Variants in TSGA10 observed in about 807,000 individuals in gnomAD.
The protein encoded by TSGA10 is testis specific 10.
Under a neutral mutation model 96.6 loss-of-function variants are expected in TSGA10, and 43 were observed. The observed-to-expected ratio is 0.44, with a 90% CI of 0.35 to 0.57. The LOEUF (loss-of-function observed/expected upper bound fraction) is 0.57. Among genes scored for constraint, TSGA10 ranks in the 20% least tolerant of loss-of-function variants. TSGA10 has a pLI of 0.01. For missense variants in TSGA10, 703 were observed against 834.4 expected (o/e 0.84, Z 1.94); for synonymous variants, 229 against 269.9 (o/e 0.85, Z 1.48).
At chr2:99,002,753 GA>G (rs1341187733) in intron 20 of TSGA10, among the ~76,000 whole-genome samples, 1 of 152,016 alleles carries the variant, frequency 6.6e-6, no homozygotes, top group Non-Finnish European at 1.5e-5. Context: ...CTCACATGCA[GA>G]GACACACATA....
At chr2:99,105,036 A>G (rs1009981426) in intron 9 of TSGA10, among the ~76,000 whole-genome samples, 2 of 152,126 alleles carry the variant, frequency 1.3e-5, no homozygotes, top group East Asian at 3.8e-4. Context: ...AGAATAAACC[A>G]TTTTCTTTAC....
chr2:99,020,629 A>G (rs2079910198), intron 17 of TSGA10, 147 bp from the exon 18 acceptor site: 1 of 598,900 alleles, frequency 1.7e-6, no homozygotes, highest in Non-Finnish European at 3.0e-6. Flanking sequence ...CCTTCTTACC[A>G]AATAAACACA....
chr2:99,002,243 C>T (rs4428061), intron 20 of TSGA10, among the ~76,000 whole-genome samples: 5 of 152,072 alleles, frequency 3.3e-5, no homozygotes, highest in East Asian at 1.9e-4. Context: ...AAGAAAGGTC[C>T]GGTTACCCAC....
chr2:99,145,331 G>A (rs890717588), intron 1 of TSGA10, among the ~76,000 whole-genome samples: 1 of 152,154 alleles, frequency 6.6e-6, no homozygotes, highest in African/African-American at 2.4e-5. Context: ...GCCAAGGCAG[G>A]TGGATCACTT....
At chr2:99,000,859 C>T (rs905605359) in intron 20 of TSGA10, among the ~76,000 whole-genome samples, 1 of 152,126 alleles carries the variant, frequency 6.6e-6, no homozygotes, top group African/African-American at 2.4e-5. Context: ...CACCCATGGA[C>T]CCTGCTTACT....
At chr2:99,112,436 C>G (rs1263337490) in intron 4 of TSGA10, among the ~76,000 whole-genome samples, 1 of 151,978 alleles carries the variant, frequency 6.6e-6, no homozygotes, top group African/African-American at 2.4e-5. Context: ...AATAATAAAC[C>G]TAACAAATAA....
chr2:99,004,254 GT>G (rs1025196437), intron 20 of TSGA10, among the ~76,000 whole-genome samples: 1 of 152,108 alleles, frequency 6.6e-6, no homozygotes, highest in African/African-American at 2.4e-5. Flanking sequence ...CCAGGAAGAA[GT>G]TGAATCTCTG....
At chr2:99,040,173 G>C (rs2082053400) in intron 16 of TSGA10, among the ~76,000 whole-genome samples, 1 of 151,932 alleles carries the variant, frequency 6.6e-6, no homozygotes. Flanking sequence ...TACCGAATGG[G>C]GAAAAGTTGA....
intron 16 of TSGA10, among the ~76,000 whole-genome samples, chr2:99,057,116 T>C (rs2084092279): frequency 7.5e-6 from 1 of 134,126 alleles, no homozygotes; most frequent in South Asian, 2.3e-4. Flanking sequence ...GCTAACATCA[T>C]ACTTGATGGT....
intron 10 of TSGA10, among the ~76,000 whole-genome samples, chr2:99,094,973 A>C (rs1342156414): frequency 6.6e-6 from 1 of 152,244 alleles, no homozygotes; most frequent in Non-Finnish European, 1.5e-5. Context: ...CACAATTAGC[A>C]ATTTCAAAAA....
At chr2:99,021,631 A>G (rs537795690) in intron 17 of TSGA10, among the ~76,000 whole-genome samples, 1 of 152,324 alleles carries the variant, frequency 6.6e-6, no homozygotes, top group Admixed American at 6.5e-5. Context: ...TGGGGGCAGC[A>G]CTATGCATTA....
intron 1 of TSGA10, among the ~76,000 whole-genome samples, chr2:99,145,845 G>T (rs1331250766): frequency 2.6e-5 from 4 of 152,148 alleles, no homozygotes; most frequent in African/African-American, 7.2e-5. Context: ...TGTTATAAAA[G>T]GTTCAAACCA....
intron 1 of TSGA10, among the ~76,000 whole-genome samples, chr2:99,153,335 CA>C (rs1302242194): frequency 2.0e-5 from 3 of 152,126 alleles, no homozygotes; most frequent in Non-Finnish European, 4.4e-5. Context: ...GGATGTATAG[CA>C]GTTTTTCCAA....
intron 20 of TSGA10, among the ~76,000 whole-genome samples, chr2:99,013,325 A>G (rs1199939950): frequency 6.6e-6 from 1 of 151,276 alleles, no homozygotes; most frequent in African/African-American, 2.4e-5. Context: ...GATGATGACA[A>G]TAATAATAAT....
rs2091072632 is a variant in TSGA10, at chr2:99,104,124, C to T, written c.460-6G>A. On this transcript the variant is annotated splice_region_variant and splice_polypyrimidine_tract_variant and intron_variant, in intron 9 of 20. Transcript: ENST00000393483. Reference sequence around the variant, plus strand: ...TCCATACGTTCATCATCAAGCTATACAAGTAGAATGACAAGGTTACTGCCA... The same window carrying T: ...TCCATACGTTCATCATCAAGCTATATAAGTAGAATGACAAGGTTACTGCCA... The T allele has an allele frequency of 1.2e-6, 2 of 1,612,928 alleles. No individual in the cohort carries two copies. Among genetic ancestry groups the T allele is most frequent in the African/African-American group, 1.3e-5 (1 of 74,860 alleles).
intron 15 of TSGA10, among the ~76,000 whole-genome samples, chr2:99,065,936 G>A (rs992218291): frequency 1.3e-5 from 2 of 152,040 alleles, no homozygotes; most frequent in Non-Finnish European, 1.5e-5. Context: ...AATAGACCGA[G>A]TAATCATTAT....
chr2:99,123,746 CTA>C (rs2092693330), intron 2 of TSGA10, among the ~76,000 whole-genome samples: 1 of 152,152 alleles, frequency 6.6e-6, no homozygotes, highest in African/African-American at 2.4e-5. Context: ...ATTTGTCTTC[CTA>C]TGTCTGGCTT....
chr2:99,000,444 A>C (rs532510063), intron 20 of TSGA10, among the ~76,000 whole-genome samples: 1 of 146,676 alleles, frequency 6.8e-6, no homozygotes, highest in Non-Finnish European at 1.5e-5. Context: ...TGGGAGGTGG[A>C]GGTTGCAGGG....
chr2:99,076,288 C>T (rs983858799), intron 12 of TSGA10, among the ~76,000 whole-genome samples: 2 of 152,164 alleles, frequency 1.3e-5, no homozygotes, highest in Admixed American at 6.5e-5. Context: ...TCCTACTATT[C>T]TAATATAGCT....
Sources: allele counts gnomAD v4.1 joint callset (sites outside exome capture counted in the v4.1 genomes callset), GRCh38; gene constraint gnomAD v4.1.1; transcripts MANE v1.5; gene names NCBI Gene and HGNC (gene_info 2026-07-23, HGNC 2026-07-21).